Variants in C7 observed in about 807,000 individuals in gnomAD.
C7 encodes the protein complement C7, also known as complement component C7.
Under a neutral mutation model 104.8 loss-of-function variants are expected in C7, and 83 were observed. That is an observed-to-expected ratio of 0.79 (90% CI 0.66 to 0.95). The LOEUF (loss-of-function observed/expected upper bound fraction) is 0.95, where lower values mean the gene tolerates loss of function less well. Among genes scored for constraint, C7 ranks in the 40% least tolerant of loss-of-function variants. The pLI, the probability that C7 is intolerant of heterozygous loss-of-function variation, is 0.00. For synonymous variants in C7, 415 were observed against 360.6 expected (o/e 1.15, Z -1.71); for missense variants, 1,070 against 1,011.2 (o/e 1.06, Z -0.79).
rs188328768 is a variant in C7 at position 40,983,895 on chromosome 5, A to C, written c.*2322A>C. ...TTAGAAGGGGATAGAGCCTTGGAGGAGGCAGAGGGCAGAAAGCATTGCTGA... is the reference window on the plus strand; with the variant it reads ...TTAGAAGGGGATAGAGCCTTGGAGGCGGCAGAGGGCAGAAAGCATTGCTGA... On this transcript the variant is annotated 3_prime_UTR_variant, in exon 18 of 18. Transcript: ENST00000313164. Among the ~76,000 whole-genome samples the C allele has an allele frequency of 3.2e-3, 492 of 152,256 alleles. 4 individuals carry two copies. The highest frequency in any genetic ancestry group is 0.011 in the African/African-American group (464 of 41,556).
intron 1 of C7, among the ~76,000 whole-genome samples, chr5:40,917,955 G>A (rs1739354677): frequency 6.6e-6 from 1 of 152,164 alleles, no homozygotes. Context: ...GAGTAAAAAT[G>A]TAGAGTTGTA....
intron 4 of C7, among the ~76,000 whole-genome samples, chr5:40,934,794 C>G (rs968592977): frequency 6.6e-6 from 1 of 152,024 alleles, no homozygotes; most frequent in Non-Finnish European, 1.5e-5. Context: ...TGAGATTAGA[C>G]GAAAACAATG....
intron 6 of C7, among the ~76,000 whole-genome samples, chr5:40,938,863 G>A (rs1739870292): frequency 6.6e-6 from 1 of 152,202 alleles, no homozygotes; most frequent in Non-Finnish European, 1.5e-5. Flanking sequence ...GAAGATAGAG[G>A]AGAGATTTTC....
At chr5:40,947,923 T>G in intron 8 of C7, 78 bp downstream of exon 8, 1 of 1,389,246 alleles carries the variant, frequency 7.2e-7, no homozygotes. Context: ...TAATGTAAGC[T>G]TTTGAGCTTT....
intron 1 of C7, among the ~76,000 whole-genome samples, chr5:40,911,646 T>C (rs1403844135): frequency 6.6e-6 from 1 of 152,134 alleles, no homozygotes; most frequent in Non-Finnish European, 1.5e-5. Context: ...GCTCATTCAT[T>C]GATGATAAAG....
At chr5:40,965,800 C>T (rs1215294879) in intron 14 of C7, among the ~76,000 whole-genome samples, 4 of 151,686 alleles carry the variant, frequency 2.6e-5, no homozygotes, top group Non-Finnish European at 5.9e-5. Context: ...TGCCAACACA[C>T]TCTGCTAATT....
intron 15 of C7, among the ~76,000 whole-genome samples, chr5:40,974,713 C>T (rs1028290925): frequency 1.3e-5 from 2 of 152,106 alleles, no homozygotes; most frequent in East Asian, 1.9e-4. Context: ...CCACTGCGCC[C>T]GGCTTGACAT....
rs371577825 is a variant in C7, at chr5:40,969,642, CCTT to C, written c.1883-2757_1883-2755del. Among the ~76,000 whole-genome samples, 36 of 152,178 alleles carry C rather than the reference CCTT, an allele frequency of 2.4e-4. No homozygotes were observed. In the East Asian group the frequency reaches 3.7e-3, roughly 15 times the overall value. Reference sequence around the variant, plus strand: ...GAAGGTATGGGCTTTCTACCTGGCCCCTTCTTTTTGACAGGACTGGACTCTAGT... The same window carrying C: ...GAAGGTATGGGCTTTCTACCTGGCCCCTTTTTGACAGGACTGGACTCTAGT... On this transcript the variant is annotated intron_variant, in intron 14 of 17. Coordinates refer to ENST00000313164, the MANE Select transcript of C7 (RefSeq NM_000587.4).
chr5:40,965,627 G>GATATAT (rs376480588), intron 14 of C7, among the ~76,000 whole-genome samples: 4 of 123,050 alleles, frequency 3.3e-5, no homozygotes, highest in African/African-American at 1.1e-4. Context: ...AGTGTATAGT[G>GATATAT]ATATATATAT....
chr5:40,910,011 C>G (rs1342937487), intron 1 of C7, among the ~76,000 whole-genome samples: 2 of 141,788 alleles, frequency 1.4e-5, no homozygotes, highest in African/African-American at 5.3e-5. Context: ...GGATTAGGAG[C>G]CATGCAGTAG....
At chr5:40,941,166 C>A (rs529498952) in intron 6 of C7, among the ~76,000 whole-genome samples, 1 of 151,426 alleles carries the variant, frequency 6.6e-6, no homozygotes, top group East Asian at 1.9e-4. Context: ...TGTGTTCAAG[C>A]GATTCTCATG....
At chr5:40,961,128 A>T (rs1381084417) in intron 12 of C7, among the ~76,000 whole-genome samples, 1 of 152,222 alleles carries the variant, frequency 6.6e-6, no homozygotes, top group Non-Finnish European at 1.5e-5. Context: ...TGAGAGGTAG[A>T]AGGTGCACAA....
At chr5:40,968,566 TTTTATATATATATA>T (rs1740610472) in intron 14 of C7, among the ~76,000 whole-genome samples, 1 of 58,878 alleles carries the variant, frequency 1.7e-5, no homozygotes, top group Non-Finnish European at 3.0e-5. Flanking sequence ...ATTATATATA[TTTTATATATATATA>T]TATATATATA....
Position 40,931,006 on chromosome 5 carries a change from G to A in C7, c.63-58G>A, listed in dbSNP as rs1234525406. The A allele has an allele frequency of 4.3e-6, 5 of 1,157,866 alleles. No homozygotes were observed. The East Asian group carries it at 1.2e-4, about 27-fold the overall frequency. The allele number at this position is 1,157,866 out of a possible 1,614,324, so 71.7% of individuals were successfully genotyped here. On this transcript the variant is annotated intron_variant, in intron 2 of 17. Transcript: ENST00000313164. The stretch of plus-strand genomic sequence containing the variant: ...TTTTTGACTGTTTTCACTATTCTTT[G>A]TGTTCCCTTGCGTATCTTTCCACCT...
chr5:40,960,897 T>C (rs1460739527), intron 12 of C7, among the ~76,000 whole-genome samples: 2 of 152,218 alleles, frequency 1.3e-5, no homozygotes, highest in Non-Finnish European at 2.9e-5. Flanking sequence ...TCATTATCTT[T>C]ATTACAGGCT....
chr5:40,957,909 C>A, intron 10 of C7, 124 bp from the exon 11 acceptor site: 1 of 581,704 alleles, frequency 1.7e-6, no homozygotes, highest in Non-Finnish European at 2.9e-6. Context: ...GCATAAGAAA[C>A]AATTGTAACA....
At chr5:40,930,944 T>C in intron 2 of C7, 120 bp from the exon 3 acceptor site, 2 of 720,774 alleles carry the variant, frequency 2.8e-6, no homozygotes, top group Non-Finnish European at 4.9e-6. Flanking sequence ...CCTTTTAGTG[T>C]CTCTTCGGAA....
chr5:40,959,452 G>C lies in C7; in HGVS notation c.1493G>C (p.Gly498Ala). 6.2e-7 allele frequency: 1 copy of C among 1,609,764 alleles called. No homozygotes were observed. The highest frequency in any genetic ancestry group is 8.5e-7 in the Non-Finnish European group (1 of 1,178,654). Residue 498 changes from glycine (G) to alanine (A), a missense_variant, in exon 12 of 18, where the codon GGG becomes GCG. Gly to Ala is a moderately conservative substitution (Grantham distance 60). Transcript: ENST00000313164. Reference protein sequence around the residue: ...QGVLVGNQAGGVDGGWSCWSS... With the variant: ...QGVLVGNQAGAVDGGWSCWSS... ...CAACCTCTTTCTCATCTTGTAGGAG[G>C]GGTTGATGGAGGTTGGAGTTGCTGG...
Position 40,918,171 on chromosome 5 carries a change from C to T in C7, c.6+8555C>T, listed in dbSNP as rs900045729. On this transcript the variant is annotated intron_variant, in intron 1 of 17. Coordinates refer to ENST00000313164, the MANE Select transcript of C7 (RefSeq NM_000587.4). ...AAAATGTATCTTCCAGCCTGGGCAA[C>T]ATAGGGTGGCCCTATCTCTACAATA... is the stretch of plus-strand genomic sequence containing the variant. Among the ~76,000 whole-genome samples, 4 of 151,700 alleles carry T rather than the reference C, an allele frequency of 2.6e-5. No homozygotes were observed. In the East Asian group the frequency reaches 7.7e-4, roughly 29 times the overall value.
Sources: gnomAD v4.1 joint callset for allele counts (sites outside exome capture counted in the v4.1 genomes callset) on GRCh38, gnomAD v4.1.1 for gene constraint, MANE v1.5 for transcripts, NCBI Gene and HGNC (gene_info 2026-07-23, HGNC 2026-07-21) for gene names.